Variants in MINK1 observed in about 807,000 individuals in gnomAD.
MINK1 encodes misshapen-like kinase 1.
In MINK1, 46 loss-of-function variants were observed where a neutral mutation model predicts 178.4. The ratio of observed to expected loss-of-function variants is 0.26; its 90% confidence interval spans 0.20 to 0.33. The LOEUF is 0.33. Ranked by LOEUF, MINK1 falls within the 10% of genes least tolerant of loss-of-function variation. The pLI, the probability that MINK1 is intolerant of heterozygous loss-of-function variation, is 1.00. For synonymous variants in MINK1, 797 were observed against 709.7 expected (o/e 1.12, Z -1.96); for missense variants, 1,366 against 1,814.9 (o/e 0.75, Z 4.49).
rs111487303 is a variant in MINK1 at position 4,839,164 on chromosome 17, T to C, written c.57+5524T>C. On this transcript the variant is annotated intron_variant, in intron 1 of 31. Transcript: ENST00000355280. ...TTCACCGTGTTAGCCAGGATGGTCT[T>C]GATCTCCTGACCTTGTAATCTGCCC... Among the ~76,000 whole-genome samples, 1,290 of 152,226 alleles carry C rather than the reference T, an allele frequency of 8.5e-3. 17 individuals carry two copies. The highest frequency in any genetic ancestry group is 0.026 in the African/African-American group (1,069 of 41,546).
intron 4 of MINK1, among the ~76,000 whole-genome samples, chr17:4,882,127 G>A (rs1967758768): frequency 6.6e-6 from 1 of 152,256 alleles, no homozygotes; most frequent in Admixed American, 6.5e-5. Context: ...AGGTGTGTGT[G>A]GTGGAGATCG....
At chr17:4,851,131 C>G in intron 1 of MINK1, 1 of 414,944 alleles carries the variant, frequency 2.4e-6, no homozygotes, top group African/African-American at 2.1e-5. Context: ...GTAACGCCAA[C>G]AGTTTTGGTA....
intron 1 of MINK1, among the ~76,000 whole-genome samples, chr17:4,870,213 ATTTTTTTT>A (rs758815938): frequency 1.6e-5 from 2 of 123,610 alleles, no homozygotes; most frequent in South Asian, 2.5e-4. Flanking sequence ...CGCCCGGCCA[ATTTTTTTT>A]TTTTTTTTTT....
intron 1 of MINK1, among the ~76,000 whole-genome samples, chr17:4,860,432 C>T (rs1402016678): frequency 2.0e-5 from 3 of 152,206 alleles, no homozygotes; most frequent in Non-Finnish European, 4.4e-5. Flanking sequence ...CCCAACCGGA[C>T]AGCGTTCTGG....
At position 4,889,713 on chromosome 17, in the gene MINK1, A is replaced by C; in HGVS notation, c.1297A>C (p.Met433Leu). 1.3e-6 allele frequency: 2 copies of C among 1,555,622 alleles called. No individual in the cohort carries two copies. Among genetic ancestry groups the C allele is most frequent in the Non-Finnish European group, 1.7e-6 (2 of 1,152,624 alleles). ...GGAGCAGCAGCGGCGGCTGGAGGACATGCAGGCTCTGCGGCGGGAGGAGGA... is the reference window on the plus strand; with the variant it reads ...GGAGCAGCAGCGGCGGCTGGAGGACCTGCAGGCTCTGCGGCGGGAGGAGGA... ...EKEQQRRLED[M>L]QALRREEERR... The change falls in exon 13 of 32, where the codon ATG becomes CTG. Residue 433 changes from methionine to leucine, a missense_variant. This residue lies in a region of MINK1 where 87 missense variants were observed against 78.9 expected (regional missense o/e 1.10). Coordinates refer to ENST00000355280, the MANE Select transcript of MINK1 (RefSeq NM_153827.5).
chr17:4,837,645 G>A (rs1017464930), intron 1 of MINK1, among the ~76,000 whole-genome samples: 3 of 152,228 alleles, frequency 2.0e-5, no homozygotes, highest in Admixed American at 2.0e-4. Context: ...CAGTGGAAGT[G>A]GATGGGACAA....
intron 1 of MINK1, among the ~76,000 whole-genome samples, chr17:4,867,022 G>A (rs1341945012): frequency 1.4e-5 from 2 of 147,194 alleles, no homozygotes; most frequent in South Asian, 2.1e-4. Context: ...GTAGTGAACC[G>A]GGACCGTGCC....
rs1287337208 is a variant in MINK1 at position 4,892,768 on chromosome 17, G to A, written c.2311G>A (p.Val771Ile). 2 of 1,602,566 alleles carry A rather than the reference G, an allele frequency of 1.2e-6. No homozygotes were observed. The highest frequency in any genetic ancestry group is 1.1e-5 in the South Asian group (1 of 89,600). The change falls in exon 19 of 32, where the codon GTC (valine) becomes ATC (isoleucine). Residue 771 changes from valine to isoleucine, a missense_variant and splice_region_variant. Val to Ile is a conservative substitution (Grantham distance 29). Transcript: ENST00000355280. ...CTCACTGGAGCGGAACCGCGTGGGA[G>A]GTATGTGAGCCAGGGCTGGGCAGCC... is the stretch of plus-strand genomic sequence containing the variant. The part of the protein sequence containing the change: ...AGSLERNRVG[V>I]SSKPDSSPVL...
At chr17:4,844,088 C>T (rs1910643541) in intron 1 of MINK1, among the ~76,000 whole-genome samples, 2 of 152,084 alleles carry the variant, frequency 1.3e-5, no homozygotes, top group South Asian at 4.2e-4. Flanking sequence ...CTGCAACCTC[C>T]ACCTCCCAGG....
At chr17:4,868,856 C>G in intron 1 of MINK1, 1 of 332,644 alleles carries the variant, frequency 3.0e-6, no homozygotes, top group South Asian at 2.1e-5. Flanking sequence ...CTCAAGCAGT[C>G]CTCCCACCTC....
At chr17:4,856,035 G>A (rs1002874829) in intron 1 of MINK1, among the ~76,000 whole-genome samples, 2 of 151,896 alleles carry the variant, frequency 1.3e-5, no homozygotes, top group Non-Finnish European at 2.9e-5. Context: ...AATTGATGAG[G>A]GTATCAGCCT....
intron 1 of MINK1, among the ~76,000 whole-genome samples, chr17:4,848,577 G>A (rs1266549459): frequency 2.0e-5 from 3 of 152,182 alleles, no homozygotes; most frequent in Non-Finnish European, 2.9e-5. Context: ...AGCCAGGATG[G>A]TCTCCATCTC....
In MINK1 at chr17:4,846,662, A is replaced by G. The variant is rs367662605; in HGVS notation, c.57+13022A>G. Among the ~76,000 whole-genome samples the G allele has an allele frequency of 1.5e-4, 23 of 152,314 alleles. 1 individual carries two copies. The South Asian group carries it at 4.1e-3, about 27-fold the overall frequency. Reference sequence around the variant, plus strand: ...TGTTTGTGTTTAAAGCAGAGCCTCTATGGGCCATCTTATTATGACTTTTTT... The same window carrying G: ...TGTTTGTGTTTAAAGCAGAGCCTCTGTGGGCCATCTTATTATGACTTTTTT... On this transcript the variant is annotated intron_variant, in intron 1 of 31. Transcript: ENST00000355280.
intron 1 of MINK1, among the ~76,000 whole-genome samples, chr17:4,850,068 C>G (rs1425417030): frequency 6.6e-6 from 1 of 152,152 alleles, no homozygotes; most frequent in Non-Finnish European, 1.5e-5. Context: ...ATTTTTTCAT[C>G]AGAGTCTTTC....
At chr17:4,878,949 T>A (rs1398956794) in intron 2 of MINK1, among the ~76,000 whole-genome samples, 1 of 152,254 alleles carries the variant, frequency 6.6e-6, no homozygotes, top group African/African-American at 2.4e-5. Flanking sequence ...TCGTGTGGCC[T>A]GACCACACTG....
At position 4,880,979 on chromosome 17, in the gene MINK1, C is replaced by A. The variant is rs969040771; in HGVS notation, c.124-5C>A. 1.3e-6 allele frequency: 2 copies of A among 1,506,318 alleles called. No homozygotes were observed. The highest frequency in any genetic ancestry group is 2.8e-5 in the African/African-American group (2 of 72,366). The allele number at this position is 1,506,318 out of a possible 1,614,324, so 93.3% of individuals were successfully genotyped here. ...AGCATAGACTCAGATCCCTCTGTCCCGCAGGGTCGGCATGTCAAGACGGGG... is the reference window on the plus strand; with the variant it reads ...AGCATAGACTCAGATCCCTCTGTCCAGCAGGGTCGGCATGTCAAGACGGGG... On this transcript the variant is annotated splice_polypyrimidine_tract_variant and splice_region_variant and intron_variant, in intron 2 of 31. Coordinates refer to ENST00000355280, the MANE Select transcript of MINK1 (RefSeq NM_153827.5).
At chr17:4,843,564 A>G (rs1465995135) in intron 1 of MINK1, among the ~76,000 whole-genome samples, 1 of 152,084 alleles carries the variant, frequency 6.6e-6, no homozygotes, top group East Asian at 1.9e-4. Context: ...TCTGTTTGGA[A>G]CAAAGATTGC....
chr17:4,870,999 C>T, intron 1 of MINK1: 1 of 270,182 alleles, frequency 3.7e-6, no homozygotes, highest in Non-Finnish European at 8.1e-6. Flanking sequence ...CAGCCCCTGG[C>T]AACCACTAAT....
Position 4,833,355 on chromosome 17 carries a change from C to T in MINK1, c.-229C>T. 1 of 471,334 alleles carries T rather than the reference C, an allele frequency of 2.1e-6. No homozygotes were observed. The highest frequency in any genetic ancestry group is 3.0e-5 in the South Asian group (1 of 33,534). 29.2% of individuals were successfully genotyped at this position (471,334 alleles called of 1,614,324 possible). A position where few individuals can be genotyped will look rare whatever the true frequency, so the allele number is the denominator to read the frequency against. ...CCACCCTCCCAGTGCGCGGTCGCTC[C>T]GCGCCTGCGCAGGAGAGGTGGTAGG... On this transcript the variant is annotated 5_prime_UTR_variant, in exon 1 of 32. Transcript: ENST00000355280. This position sits in a 1 kb window ranked among gnomAD's most constrained non-coding sequence, Gnocchi z 4.8.
Sources: gnomAD v4.1 joint callset for allele counts (sites outside exome capture counted in the v4.1 genomes callset) on GRCh38, gnomAD v4.1.1 for gene constraint, gnomAD v4.1.1 regional missense constraint, Gnocchi (gnomAD v3.1) non-coding constraint, MANE v1.5 for transcripts, NCBI Gene and HGNC (gene_info 2026-07-23, HGNC 2026-07-21) for gene names.